GNAL: variants seen among roughly 807,000 people sequenced by gnomAD.
GNAL encodes the protein G protein subunit alpha L, also known as guanine nucleotide-binding protein G(olf) subunit alpha.
A neutral mutation model predicts 55.1 loss-of-function variants in GNAL; 18 were observed. The ratio of observed to expected loss-of-function variants is 0.33; its 90% CI spans 0.23 to 0.48. The LOEUF (loss-of-function observed/expected upper bound fraction) is 0.48, where lower values mean the gene tolerates loss of function less well. Ranked by LOEUF, GNAL falls within the 20% of genes least tolerant of loss-of-function variation. GNAL has a pLI of 0.99. For synonymous variants in GNAL, 253 were observed against 237.0 expected (o/e 1.07, Z -0.62); for missense variants, 412 against 614.1 (o/e 0.67, Z 3.48).
intron 5 of GNAL, among the ~76,000 whole-genome samples, chr18:11,841,062 C>T (rs561147968): frequency 2.0e-5 from 3 of 151,710 alleles, no homozygotes; most frequent in East Asian, 2.0e-4. Context: ...TTAGTAGAGA[C>T]GAGGTTTCGC....
intron 4 of GNAL, among the ~76,000 whole-genome samples, chr18:11,786,234 C>T (rs776640742): frequency 4.6e-5 from 7 of 152,010 alleles, no homozygotes; most frequent in Non-Finnish European, 1.0e-4. Context: ...CAGTATTACT[C>T]AAAGACCCCA....
intron 4 of GNAL, among the ~76,000 whole-genome samples, chr18:11,791,215 A>G (rs2034225971): frequency 6.6e-6 from 1 of 152,184 alleles, no homozygotes; most frequent in Admixed American, 6.5e-5. Context: ...CTAGGATCCT[A>G]GTGAAGGTTT....
At position 11,751,625 on chromosome 18, in the gene GNAL, T is replaced by C. The variant is rs1196976741; in HGVS notation, c.377-1228T>C. ...CACGGGGCGCGCGCCCAGACGCACT[T>C]TCCCGGCTCGGGGTGCAAGAGAGCC... On this transcript the variant is annotated intron_variant, in intron 1 of 11. Transcript: ENST00000334049. This position sits in a 1 kb window ranked among gnomAD's most constrained non-coding sequence, Gnocchi z 4.5. 1 of 984,906 alleles carries C rather than the reference T, an allele frequency of 1.0e-6. No homozygotes were observed. The highest frequency in any genetic ancestry group is 1.2e-6 in the Non-Finnish European group (1 of 829,814). 61.0% of individuals were successfully genotyped at this position (984,906 alleles called of 1,614,324 possible).
chr18:11,822,483 A>T (rs549481536), intron 4 of GNAL, among the ~76,000 whole-genome samples: 1 of 152,308 alleles, frequency 6.6e-6, no homozygotes, highest in East Asian at 1.9e-4. Flanking sequence ...ACGCGGCTGT[A>T]GTCCCAGCTA....
intron 4 of GNAL, among the ~76,000 whole-genome samples, chr18:11,811,840 T>C (rs796231424): frequency 2.0e-5 from 3 of 152,328 alleles, no homozygotes; most frequent in African/African-American, 7.2e-5. Context: ...CCTAAAATGT[T>C]ACATAATTCA....
chr18:11,699,535 T>C (rs2031507733), intron 1 of GNAL, among the ~76,000 whole-genome samples: 1 of 151,476 alleles, frequency 6.6e-6, no homozygotes, highest in Non-Finnish European at 1.5e-5. Context: ...TTATTAATAC[T>C]TAGTTGTTGG....
At chr18:11,784,167 G>A (rs959687942) in intron 4 of GNAL, among the ~76,000 whole-genome samples, 2 of 152,270 alleles carry the variant, frequency 1.3e-5, no homozygotes, top group Non-Finnish European at 2.9e-5. Context: ...GGGGACCAGC[G>A]TACTTGTCTT....
In GNAL at chr18:11,752,509, A is replaced by G; in HGVS notation, c.377-344A>G. ...TGAAAAAGAACGACGCGAGGCCAAC[A>G]AAAAGATCGAGAAGCAGTTGCAGAA... On this transcript the variant is annotated intron_variant, in intron 1 of 11. Transcript: ENST00000334049. This position sits in a 1 kb window ranked among gnomAD's most constrained non-coding sequence, Gnocchi z 4.5. 6.2e-7 allele frequency: 1 copy of G among 1,613,146 alleles called. No homozygotes were observed.
chr18:11,819,584 G>C (rs1194352348), intron 4 of GNAL, among the ~76,000 whole-genome samples: 1 of 151,820 alleles, frequency 6.6e-6, no homozygotes, highest in Non-Finnish European at 1.5e-5. Context: ...CTCATATTCA[G>C]TAATACAGAA....
chr18:11,845,167 C>T (rs2035703625), intron 5 of GNAL, among the ~76,000 whole-genome samples: 1 of 152,056 alleles, frequency 6.6e-6, no homozygotes, highest in Non-Finnish European at 1.5e-5. Context: ...CCCAGCCTCG[C>T]TATTTTTAAC....
chr18:11,870,380 G>T (rs1171403108), intron 9 of GNAL, among the ~76,000 whole-genome samples: 1 of 152,134 alleles, frequency 6.6e-6, no homozygotes. Flanking sequence ...AATTAGCCAG[G>T]AGTGGTGGTG....
intron 4 of GNAL, among the ~76,000 whole-genome samples, chr18:11,761,063 G>A (rs73399809): frequency 5.3e-5 from 8 of 152,242 alleles, no homozygotes; most frequent in African/African-American, 1.9e-4. Flanking sequence ...TCTTGGCCTC[G>A]CCTCAGTTGC....
rs1426527255 is a variant in GNAL, at chr18:11,884,665, G to A, written c.*3530G>A. 6.3e-7 allele frequency: 1 copy of A among 1,596,640 alleles called. No homozygotes were observed. Among genetic ancestry groups the A allele is most frequent in the South Asian group, 1.1e-5 (1 of 90,600 alleles). Reference sequence around the variant, plus strand: ...AGGGAAAGTTATGCTGAGAGCACCAGGCACACGTTGAACACCGCAGTCTTA... The same window carrying A: ...AGGGAAAGTTATGCTGAGAGCACCAAGCACACGTTGAACACCGCAGTCTTA... On this transcript the variant is annotated 3_prime_UTR_variant, in exon 12 of 12. Transcript: ENST00000334049.
At chr18:11,823,452 T>C (rs1032999976) in intron 4 of GNAL, among the ~76,000 whole-genome samples, 6 of 152,198 alleles carry the variant, frequency 3.9e-5, no homozygotes, top group African/African-American at 1.2e-4. Flanking sequence ...GAAATCAGAA[T>C]TGGATTTTCT....
At chr18:11,716,484 G>C (rs11872362) in intron 1 of GNAL, among the ~76,000 whole-genome samples, 1,951 of 152,204 alleles carry the variant, frequency 0.013, 39 homozygotes, top group African/African-American at 0.044. Context: ...GGAAGGGGAC[G>C]GGAGCAGGTT....
At chr18:11,832,874 A>T (rs1015928441) in intron 5 of GNAL, among the ~76,000 whole-genome samples, 28 of 152,006 alleles carry the variant, frequency 1.8e-4, no homozygotes, top group East Asian at 1.7e-3. Context: ...ATAAATAAAT[A>T]AATAAATAAA....
chr18:11,786,712 A>G (rs1215478246), intron 4 of GNAL, among the ~76,000 whole-genome samples: 5 of 151,440 alleles, frequency 3.3e-5, no homozygotes, highest in African/African-American at 1.2e-4. Context: ...CGGCCTCCCA[A>G]AGTGCTGGGA....
intron 4 of GNAL, among the ~76,000 whole-genome samples, chr18:11,772,284 C>A (rs1364540399): frequency 6.6e-6 from 1 of 152,104 alleles, no homozygotes; most frequent in Non-Finnish European, 1.5e-5. Context: ...TTTAAATTGT[C>A]CTAGTTGATT....
At chr18:11,839,616 A>C (rs1216639984) in intron 5 of GNAL, among the ~76,000 whole-genome samples, 1 of 151,900 alleles carries the variant, frequency 6.6e-6, no homozygotes, top group East Asian at 1.9e-4. Flanking sequence ...ATATCTCTTC[A>C]TAGCAGCATT....
Sources: allele counts gnomAD v4.1 joint callset (sites outside exome capture counted in the v4.1 genomes callset), GRCh38; gene constraint gnomAD v4.1.1; non-coding constraint Gnocchi (gnomAD v3.1); transcripts MANE v1.5; gene names NCBI Gene and HGNC (gene_info 2026-07-23, HGNC 2026-07-21).